The following MRTFB variants were observed in gnomAD, a reference collection of about 807,000 sequenced individuals.
MRTFB encodes myocardin related transcription factor B, also known as myocardin-related transcription factor B.
A neutral mutation model predicts 104.2 loss-of-function variants in MRTFB; 29 were observed. The observed-to-expected ratio is 0.28, with a 90% CI of 0.21 to 0.38. The LOEUF is 0.38. Ranked by LOEUF, MRTFB falls within the 10% of genes least tolerant of loss-of-function variation. The probability of loss-of-function intolerance (pLI) is 1.00; values close to 1 mark genes in which losing one functional copy is unlikely to be tolerated. For synonymous variants in MRTFB, 535 were observed against 519.5 expected (o/e 1.03, Z -0.41); for missense variants, 1,270 against 1,341.6 (o/e 0.95, Z 0.83).
the MRTFB span, among the ~76,000 whole-genome samples, chr16:14,058,721 T>TG: frequency 1.4e-5 from 2 of 138,688 alleles, no homozygotes; most frequent in African/African-American, 5.3e-5. Context: ...TGTTTTTTTT[T>TG]TTTTTTTTTT....
intron 2 of MRTFB, among the ~76,000 whole-genome samples, chr16:14,088,777 G>A (rs530695546): frequency 6.6e-6 from 1 of 152,252 alleles, no homozygotes; most frequent in African/African-American, 2.4e-5. Flanking sequence ...GTTTTTCCTT[G>A]CTCTGTGCTA....
At chr16:14,226,090 G>A (rs1397278897) in intron 8 of MRTFB, among the ~76,000 whole-genome samples, 1 of 152,146 alleles carries the variant, frequency 6.6e-6, no homozygotes, top group Non-Finnish European at 1.5e-5. Context: ...GCACTACAAA[G>A]CATCAAACAC....
intron 6 of MRTFB, 47 bp from the exon 7 acceptor site, chr16:14,217,079 A>C: frequency 1.3e-6 from 2 of 1,542,264 alleles, no homozygotes; most frequent in Non-Finnish European, 8.8e-7. Flanking sequence ...ATTATGGAAT[A>C]GAAATAGTAA....
chr16:14,113,969 A>G (rs1350635119), intron 2 of MRTFB, among the ~76,000 whole-genome samples: 8 of 152,202 alleles, frequency 5.3e-5, no homozygotes, highest in Non-Finnish European at 1.0e-4. Flanking sequence ...GCTAGTTTTT[A>G]AAAGTCTGTT....
chr16:14,051,518 C>G, the MRTFB span, among the ~76,000 whole-genome samples: 1 of 151,874 alleles, frequency 6.6e-6, no homozygotes, highest in Non-Finnish European at 1.5e-5. Flanking sequence ...TACACTCATA[C>G]AAATATACAC....
the MRTFB span, among the ~76,000 whole-genome samples, chr16:14,055,942 T>C: frequency 3.3e-5 from 5 of 152,294 alleles, no homozygotes; most frequent in East Asian, 7.7e-4. Context: ...TGGTGATTTT[T>C]TTTATTTCCC....
intron 8 of MRTFB, among the ~76,000 whole-genome samples, chr16:14,232,207 GA>G (rs1399514889): frequency 3.9e-5 from 6 of 152,276 alleles, no homozygotes; most frequent in Admixed American, 1.3e-4. Flanking sequence ...AATCTATATA[GA>G]GATCAGAATT....
the MRTFB span, among the ~76,000 whole-genome samples, chr16:14,045,963 C>T: frequency 5.3e-5 from 8 of 152,010 alleles, no homozygotes; most frequent in South Asian, 2.1e-4. Flanking sequence ...GAATAGATAC[C>T]GGAAAATATT....
intron 10 of MRTFB, chr16:14,240,800 G>A (rs760585217): frequency 4.0e-6 from 3 of 745,398 alleles, no homozygotes; most frequent in Admixed American, 3.6e-5. Flanking sequence ...AGCGTAAGTA[G>A]TATAATACCT....
At chr16:13,999,454 G>C in the MRTFB span, among the ~76,000 whole-genome samples, 1 of 149,164 alleles carries the variant, frequency 6.7e-6, no homozygotes, top group East Asian at 2.0e-4. Flanking sequence ...ACAGAACCCA[G>C]TCAGAGCCAG....
chr16:14,112,907 C>T (rs1395804151), intron 2 of MRTFB, among the ~76,000 whole-genome samples: 1 of 152,210 alleles, frequency 6.6e-6, no homozygotes, highest in Non-Finnish European at 1.5e-5. Context: ...GCAGTTACAA[C>T]CCCTTTTCCT....
At chr16:14,200,180 G>T in intron 3 of MRTFB, 1 of 858,636 alleles carries the variant, frequency 1.2e-6, no homozygotes, top group South Asian at 1.8e-5. Flanking sequence ...AATGAATGAG[G>T]ATATTCATTA....
chr16:14,187,465 A>G (rs1479324375), intron 3 of MRTFB, among the ~76,000 whole-genome samples: 2 of 152,170 alleles, frequency 1.3e-5, no homozygotes, highest in East Asian at 1.9e-4. Context: ...TATGATTTTT[A>G]CTGTTTAAAA....
At chr16:14,176,383 G>A (rs2039584337) in intron 3 of MRTFB, among the ~76,000 whole-genome samples, 1 of 152,198 alleles carries the variant, frequency 6.6e-6, no homozygotes, top group South Asian at 2.1e-4. Flanking sequence ...AAAGTATACA[G>A]ACAAGTGTTG....
Position 14,247,478 on chromosome 16 carries a change from C to CA in MRTFB, c.2220dup (p.Leu741ThrfsTer90). ...CCAGGGCTCGAGTGTCACCTCAGTG[C>CA]AACTCCCTGTAGGCAGCCTCAAACT... is the stretch of plus-strand genomic sequence containing the variant. On this transcript the variant is annotated frameshift_variant, in exon 12 of 17. Coordinates refer to ENST00000571589, the MANE Select transcript of MRTFB (RefSeq NM_001308142.2). LOFTEE classifies it high-confidence loss of function. 6.3e-7 allele frequency: 1 copy of CA among 1,575,704 alleles called. No homozygotes were observed. Among genetic ancestry groups the CA allele is most frequent in the Non-Finnish European group, 8.6e-7 (1 of 1,165,908 alleles).
the MRTFB span, among the ~76,000 whole-genome samples, chr16:14,049,796 G>A: frequency 5.9e-5 from 9 of 152,162 alleles, no homozygotes; most frequent in South Asian, 2.1e-4. Flanking sequence ...GCAATGGCAC[G>A]ATCTCGGCTC....
intron 8 of MRTFB, among the ~76,000 whole-genome samples, chr16:14,231,189 C>A (rs1284393090): frequency 6.6e-6 from 1 of 151,200 alleles, no homozygotes; most frequent in Admixed American, 6.6e-5. Flanking sequence ...TGCTAAATGA[C>A]GAGTTAATGG....
intron 9 of MRTFB, among the ~76,000 whole-genome samples, chr16:14,238,466 G>T (rs2042620849): frequency 6.6e-6 from 1 of 152,156 alleles, no homozygotes; most frequent in Admixed American, 6.5e-5. Context: ...CATCCTGGAT[G>T]GAGTGAATTG....
At chr16:14,238,476 G>A (rs1055826786) in intron 9 of MRTFB, among the ~76,000 whole-genome samples, 10 of 152,120 alleles carry the variant, frequency 6.6e-5, no homozygotes, top group Admixed American at 6.5e-5. Context: ...GGAGTGAATT[G>A]ACAAAATACG....
Sources: allele counts gnomAD v4.1 joint callset (sites outside exome capture counted in the v4.1 genomes callset), GRCh38; gene constraint gnomAD v4.1.1; transcripts MANE v1.5; gene names NCBI Gene and HGNC (gene_info 2026-07-23, HGNC 2026-07-21).